Variants in LARP1 observed in about 807,000 individuals in gnomAD.
The protein encoded by LARP1 is la-related protein 1.
A neutral mutation model predicts 122.7 loss-of-function variants in LARP1; 36 were observed. The ratio of observed to expected loss-of-function variants is 0.29; its 90% confidence interval spans 0.22 to 0.39. The LOEUF (loss-of-function observed/expected upper bound fraction) is 0.39, where lower values mean the gene tolerates loss of function less well. Ranked by LOEUF, LARP1 falls within the 10% of genes least tolerant of loss-of-function variation. LARP1 has a pLI of 1.00. For synonymous variants in LARP1, 539 were observed against 528.7 expected, an observed-to-expected ratio of 1.02 and a Z score of -0.27; for missense variants, 1,040 against 1,403.6, an observed-to-expected ratio of 0.74 and a Z score of 4.14.
At chr5:154,774,994 G>A (rs559138323) in intron 1 of LARP1, among the ~76,000 whole-genome samples, 13 of 152,208 alleles carry the variant, frequency 8.5e-5, no homozygotes, top group Admixed American at 2.0e-4. Context: ...TTGAATGGTC[G>A]GTGCTGCCAG....
At chr5:154,731,965 T>G (rs1176107236) in intron 1 of LARP1, among the ~76,000 whole-genome samples, 2 of 149,364 alleles carry the variant, frequency 1.3e-5, no homozygotes, top group African/African-American at 5.0e-5. Context: ...GAGGTTGCAG[T>G]GAGCCGAGAT....
upstream of LARP1, among the ~76,000 whole-genome samples, chr5:154,710,252 G>A (rs796450402): frequency 4.6e-5 from 7 of 152,274 alleles, 1 homozygote; most frequent in African/African-American, 1.7e-4. Flanking sequence ...TTCTAGACCT[G>A]AAAACAGTAA....
intron 1 of LARP1, among the ~76,000 whole-genome samples, chr5:154,725,672 C>T (rs1005914484): frequency 1.3e-5 from 2 of 152,108 alleles, no homozygotes; most frequent in African/African-American, 4.8e-5. Context: ...GGATAAGAAG[C>T]CCCATATTTA....
chr5:154,718,438 A>T (rs773118133), intron 1 of LARP1: 15 of 152,134 alleles, frequency 9.9e-5, no homozygotes, highest in Non-Finnish European at 2.2e-4. Flanking sequence ...ATTCACAGGT[A>T]TGATCCCACT....
intron 15 of LARP1, among the ~76,000 whole-genome samples, chr5:154,806,729 C>T (rs1758818399): frequency 1.3e-5 from 2 of 152,220 alleles, no homozygotes; most frequent in Admixed American, 6.5e-5. Flanking sequence ...CTCTTTCATT[C>T]AACAAAACGT....
In LARP1 at chr5:154,737,535, G is replaced by A. The variant is rs552851879; in HGVS notation, c.205+24405G>A. Among the ~76,000 whole-genome samples, 36 of 139,686 alleles carry A rather than the reference G, an allele frequency of 2.6e-4. No homozygotes were observed. The East Asian group carries it at 4.3e-3, about 17-fold the overall frequency. The allele number at this position is 139,686 out of a possible 152,430, so 91.6% of individuals were successfully genotyped here. On this transcript the variant is annotated intron_variant, in intron 1 of 18. Coordinates refer to the LARP1 transcript ENST00000336314. The stretch of plus-strand genomic sequence containing the variant: ...CAGCTCACTGCAACCTCCGCCTCCC[G>A]GGTTCAAGCAATTCTCCTGTCTCAG...
chr5:154,716,048 C>A (rs1755485400), intron 1 of LARP1, among the ~76,000 whole-genome samples: 1 of 152,052 alleles, frequency 6.6e-6, no homozygotes, highest in Non-Finnish European at 1.5e-5. Flanking sequence ...ACCCCTTCCA[C>A]CAGAAGTTAC....
chr5:154,722,678 G>GTTTTTT (rs11315331), intron 1 of LARP1, among the ~76,000 whole-genome samples: 1 of 99,144 alleles, frequency 1.0e-5, no homozygotes. Context: ...TCTTTCCTAG[G>GTTTTTT]TTTTTTTTTT....
intron 1 of LARP1, among the ~76,000 whole-genome samples, chr5:154,736,625 G>A (rs989772691): frequency 4.6e-5 from 7 of 151,496 alleles, no homozygotes; most frequent in Non-Finnish European, 1.0e-4. Context: ...GAGTGCAGTA[G>A]CATGATCTTG....
At chr5:154,780,373 G>C (rs1178826286) in intron 1 of LARP1, among the ~76,000 whole-genome samples, 10 of 152,242 alleles carry the variant, frequency 6.6e-5, no homozygotes, top group Non-Finnish European at 1.0e-4. Context: ...CATGTGAGTA[G>C]TTTTTCTTGA....
chr5:154,790,279 C>A, intron 1 of LARP1, 46 bp from the exon 2 acceptor site: 1 of 1,548,282 alleles, frequency 6.5e-7, no homozygotes, highest in Non-Finnish European at 8.8e-7. Flanking sequence ...CAGTAGCCCC[C>A]TCACATGGGC....
At position 154,693,870 on chromosome 5, in the gene LARP1, AAAG is replaced by A. The variant is rs1307578334; in HGVS notation, c.-180+10836_-180+10838del. Among the ~76,000 whole-genome samples the A allele has an allele frequency of 3.6e-3, 386 of 106,780 alleles. 3 individuals carry two copies. Among genetic ancestry groups the A allele is most frequent in the African/African-American group, 0.016 (305 of 19,392 alleles). 70.1% of individuals were successfully genotyped at this position (106,780 alleles called of 152,430 possible). On this transcript the variant is annotated intron_variant, in intron 1 of 18. Transcript: ENST00000687700. ...GACTCCGTCTAAAAAAAAAAAAAAA[AAAG>A]AAAGAAAGTTCTTTTCTCACCCCTA...
chr5:154,685,824 AAT>A (rs746277355), intron 1 of LARP1: 2 of 374,858 alleles, frequency 5.3e-6, no homozygotes, highest in Non-Finnish European at 1.0e-5. Flanking sequence ...TTTTTTTTTA[AAT>A]TTTAGAGACG....
intron 1 of LARP1, among the ~76,000 whole-genome samples, chr5:154,716,712 G>C (rs975478938): frequency 6.6e-6 from 1 of 152,210 alleles, no homozygotes; most frequent in African/African-American, 2.4e-5. Context: ...GCCTCCCAAA[G>C]TGTTGGGATT....
intron 15 of LARP1, among the ~76,000 whole-genome samples, chr5:154,808,204 T>C (rs1758948816): frequency 6.6e-6 from 1 of 152,212 alleles, no homozygotes; most frequent in Admixed American, 6.5e-5. Context: ...GGTGAAGAGC[T>C]AGACTGCCAG....
chr5:154,695,036 C>G (rs898472838), intron 1 of LARP1, among the ~76,000 whole-genome samples: 17 of 151,544 alleles, frequency 1.1e-4, no homozygotes, highest in African/African-American at 4.1e-4. Context: ...CACTTCTAGG[C>G]TGGGCACGGT....
intron 15 of LARP1, 29 bp downstream of exon 15, chr5:154,806,061 C>T: frequency 6.2e-7 from 1 of 1,608,444 alleles, no homozygotes; most frequent in South Asian, 1.1e-5. Context: ...AGGAGATGAG[C>T]CTCTGGGCCC....
chr5:154,774,204 C>G (rs1755673268), intron 1 of LARP1, among the ~76,000 whole-genome samples: 1 of 152,128 alleles, frequency 6.6e-6, no homozygotes, highest in African/African-American at 2.4e-5. Context: ...TTGGGTTAGC[C>G]CTCAGATGAA....
At chr5:154,778,865 T>A (rs1756146541) in intron 1 of LARP1, among the ~76,000 whole-genome samples, 1 of 152,204 alleles carries the variant, frequency 6.6e-6, no homozygotes, top group Non-Finnish European at 1.5e-5. Context: ...GGACACCCAG[T>A]TAAATTTGAA....
Sources: allele counts gnomAD v4.1 joint callset (sites outside exome capture counted in the v4.1 genomes callset), GRCh38; gene constraint gnomAD v4.1.1; transcripts MANE v1.5; gene names NCBI Gene and HGNC (gene_info 2026-07-23, HGNC 2026-07-21).